Variants in MTUS1 observed in about 807,000 individuals in gnomAD.
MTUS1 encodes the protein microtubule associated scaffold protein 1, also known as microtubule-associated tumor suppressor 1.
Under a neutral mutation model 120.8 loss-of-function variants are expected in MTUS1, and 109 were observed. The observed-to-expected ratio is 0.90, with a 90% CI of 0.77 to 1.06. The LOEUF (loss-of-function observed/expected upper bound fraction) is 1.06. MTUS1 is among the 50% of genes least tolerant of loss of function. MTUS1 has a pLI of 0.00. For missense variants in MTUS1, 2,210 were observed against 1,486.3 expected, an observed-to-expected ratio of 1.49 and a Z score of -8.01; for synonymous variants, 737 against 550.5, an observed-to-expected ratio of 1.34 and a Z score of -4.74.
intron 8 of MTUS1, among the ~76,000 whole-genome samples, chr8:17,674,224 C>G (rs936432449): frequency 6.6e-6 from 1 of 151,926 alleles, no homozygotes; most frequent in Non-Finnish European, 1.5e-5. Flanking sequence ...GATGGAGACC[C>G]TCCTGGCCAA....
intron 12 of MTUS1, among the ~76,000 whole-genome samples, chr8:17,651,056 G>A (rs1226727667): frequency 6.6e-6 from 1 of 152,286 alleles, no homozygotes; most frequent in East Asian, 1.9e-4. Flanking sequence ...CGTGTTCCAC[G>A]GGTTAAGCGC....
At chr8:17,735,520 A>C (rs1409703853) in intron 3 of MTUS1, among the ~76,000 whole-genome samples, 1 of 152,198 alleles carries the variant, frequency 6.6e-6, no homozygotes, top group Non-Finnish European at 1.5e-5. Context: ...CGTCTGCTCC[A>C]GGCATGCTGA....
chr8:17,676,092 T>C, intron 7 of MTUS1: 1 of 577,068 alleles, frequency 1.7e-6, no homozygotes. Context: ...AAAAATGCCC[T>C]CACGAGGATC....
chr8:17,712,632 C>A (rs1821551254), intron 6 of MTUS1, among the ~76,000 whole-genome samples: 1 of 152,176 alleles, frequency 6.6e-6, no homozygotes, highest in Non-Finnish European at 1.5e-5. Context: ...AGCCACTGGG[C>A]CCAGCCTATC....
intron 3 of MTUS1, among the ~76,000 whole-genome samples, chr8:17,742,663 A>C (rs2047430596): frequency 6.6e-6 from 1 of 152,008 alleles, no homozygotes; most frequent in South Asian, 2.1e-4. Flanking sequence ...CCTGAATCTA[A>C]ATAAACAGCC....
rs937647955 is a variant in MTUS1 at position 17,759,553 on chromosome 8, G to C, written c.-154-3592C>G. On this transcript the variant is annotated intron_variant, in intron 1 of 14. Coordinates refer to ENST00000693296, the MANE Select transcript of MTUS1 (RefSeq NM_001363059.2). Reference sequence around the variant, plus strand: ...TGCCAAATTGCTATATTTAAAAAGGGGGCAGGATTCTTTATAATGTGCATG... The same window carrying C: ...TGCCAAATTGCTATATTTAAAAAGGCGGCAGGATTCTTTATAATGTGCATG... Among the ~76,000 whole-genome samples the C allele has an allele frequency of 2.0e-5, 3 of 148,830 alleles. 1 individual carries two copies. In the South Asian group the frequency reaches 6.3e-4, roughly 31 times the overall value.
In MTUS1 at chr8:17,645,918, G is replaced by T. The variant is rs781352283; in HGVS notation, c.*8C>A. On this transcript the variant is annotated 3_prime_UTR_variant, in exon 15 of 15. Transcript: ENST00000693296. The stretch of plus-strand genomic sequence containing the variant: ...GCTTTCAGAGAGTCTGTGGACTTTG[G>T]GGAGGTGTCATCTGGGTGAAATGCT... 3 of 1,608,336 alleles carry T rather than the reference G, an allele frequency of 1.9e-6. No individual in the cohort carries two copies. In the African/African-American group the frequency reaches 4.0e-5, roughly 21 times the overall value.
chr8:17,732,660 A>G (rs1340678438), intron 3 of MTUS1, among the ~76,000 whole-genome samples: 3 of 152,078 alleles, frequency 2.0e-5, no homozygotes, highest in Non-Finnish European at 2.9e-5. Context: ...AATCATTTCT[A>G]TGTAACTGAG....
At chr8:17,709,885 T>C (rs1220097576) in intron 6 of MTUS1, among the ~76,000 whole-genome samples, 3 of 151,662 alleles carry the variant, frequency 2.0e-5, no homozygotes, top group Non-Finnish European at 2.9e-5. Context: ...CGAGCACCTG[T>C]AGTCCCAGCT....
chr8:17,798,807 C>T (rs1034108350), intron 1 of MTUS1, among the ~76,000 whole-genome samples: 1 of 152,098 alleles, frequency 6.6e-6, no homozygotes, highest in Non-Finnish European at 1.5e-5. Flanking sequence ...AAAGTATCTG[C>T]AATATGAATG....
rs1453799924 is a variant in MTUS1, at chr8:17,680,474, A to T, written c.2838+3854T>A. Among the ~76,000 whole-genome samples the T allele has an allele frequency of 2.9e-3, 416 of 142,794 alleles. 5 individuals carry two copies. Among genetic ancestry groups the T allele is most frequent in the African/African-American group, 9.0e-3 (331 of 36,920 alleles). The allele number at this position is 142,794 out of a possible 152,430, so 93.7% of individuals were successfully genotyped here. On this transcript the variant is annotated intron_variant, in intron 7 of 14. Transcript: ENST00000693296. ...GCAAGGCCACTGTCGCAAAAAAAAA[A>T]AAAAAAAAAAAAAAAAAAAAAAGCG...
At chr8:17,773,648 T>G (rs1194053060) in intron 1 of MTUS1, among the ~76,000 whole-genome samples, 4 of 152,184 alleles carry the variant, frequency 2.6e-5, no homozygotes, top group Non-Finnish European at 5.9e-5. Flanking sequence ...CAGGTCTCTC[T>G]TCTTAGGAAG....
Position 17,754,767 on chromosome 8 carries a change from A to ATCAATAAGACAATAGGACACTGTCTCTC in MTUS1, c.1013_1040dup (p.Asp347GlufsTer10). 1 of 1,614,234 alleles carries ATCAATAAGACAATAGGACACTGTCTCTC rather than the reference A, an allele frequency of 6.2e-7. No homozygotes were observed. The highest frequency in any genetic ancestry group is 1.3e-5 in the African/African-American group (1 of 75,066). ...CTGGCACCATTAAAGGGCATTCATC[A>ATCAATAAGACAATAGGACACTGTCTCTC]TCAATAAGACAATAGGACACTGTCT... On this transcript the variant is annotated stop_gained and frameshift_variant, in exon 2 of 15. Transcript: ENST00000693296. LOFTEE classifies it high-confidence loss of function.
chr8:17,723,383 TAG>T, intron 4 of MTUS1: 1 of 442,466 alleles, frequency 2.3e-6, no homozygotes, highest in Non-Finnish European at 4.2e-6. Flanking sequence ...TGATTCCAGT[TAG>T]AGTCCAAATC....
chr8:17,793,547 G>T (rs923371453), intron 1 of MTUS1, among the ~76,000 whole-genome samples: 6 of 152,042 alleles, frequency 3.9e-5, no homozygotes, highest in African/African-American at 1.4e-4. Flanking sequence ...ACCACATCTG[G>T]GAGAAATAAT....
chr8:17,666,537 A>G (rs10107408), intron 8 of MTUS1, among the ~76,000 whole-genome samples: 2,053 of 152,282 alleles, frequency 0.013, 54 homozygotes, highest in African/African-American at 0.047. Context: ...AGCAGTGTCA[A>G]AGGGTAGTCC....
chr8:17,698,084 G>T (rs1384687003), intron 6 of MTUS1, among the ~76,000 whole-genome samples: 1 of 151,996 alleles, frequency 6.6e-6, no homozygotes, highest in Non-Finnish European at 1.5e-5. Context: ...AAAGGTTAAA[G>T]TTCAACTTTA....
chr8:17,706,202 G>A (rs1264450548), intron 6 of MTUS1: 3 of 152,074 alleles, frequency 2.0e-5, no homozygotes, highest in Non-Finnish European at 2.9e-5. Context: ...CCTAGCAGCT[G>A]ACTTAACTAT....
Position 17,679,360 on chromosome 8 carries a change from T to C in MTUS1, c.2839-4108A>G, listed in dbSNP as rs12115150. Among the ~76,000 whole-genome samples, 847 of 128,566 alleles carry C rather than the reference T, an allele frequency of 6.6e-3. 10 individuals are homozygous for C. Among genetic ancestry groups the C allele is most frequent in the South Asian group, 0.052 (197 of 3,768 alleles). 84.3% of individuals were successfully genotyped at this position (128,566 alleles called of 152,430 possible). A position where few individuals can be genotyped will look rare whatever the true frequency, so the allele number is the denominator to read the frequency against. On this transcript the variant is annotated intron_variant, in intron 7 of 14. Transcript: ENST00000693296. ...ACATATGCATGTGTGCGCGCGCGTG[T>C]GTGTGTGTGTGTGTGTGTATAAACA...
Sources: gnomAD v4.1 joint callset for allele counts (sites outside exome capture counted in the v4.1 genomes callset) on GRCh38, gnomAD v4.1.1 for gene constraint, MANE v1.5 for transcripts, NCBI Gene and HGNC (gene_info 2026-07-23, HGNC 2026-07-21) for gene names.